Variants in CDH4 observed in about 807,000 individuals in gnomAD.
The protein encoded by CDH4 is cadherin-4.
Under a neutral mutation model 86.0 loss-of-function variants are expected in CDH4, and 33 were observed. The ratio of observed to expected loss-of-function variants is 0.38; its 90% confidence interval spans 0.29 to 0.51. The LOEUF (loss-of-function observed/expected upper bound fraction) is 0.51. Ranked by LOEUF, CDH4 falls within the 20% of genes least tolerant of loss-of-function variation. The pLI is 0.86. For synonymous variants in CDH4, 555 were observed against 549.4 expected, an observed-to-expected ratio of 1.01 and a Z score of -0.14; for missense variants, 1,114 against 1,307.4, an observed-to-expected ratio of 0.85 and a Z score of 2.28.
chr20:61,551,752 A>G (rs1379312699), intron 2 of CDH4, among the ~76,000 whole-genome samples: 1 of 152,248 alleles, frequency 6.6e-6, no homozygotes, highest in South Asian at 2.1e-4. Flanking sequence ...TAGTGTGATC[A>G]AGACAGCATG....
intron 2 of CDH4, among the ~76,000 whole-genome samples, chr20:61,332,645 T>C (rs560613766): frequency 2.0e-5 from 3 of 152,376 alleles, no homozygotes; most frequent in Admixed American, 6.5e-5. Context: ...TTGAAGGTTC[T>C]GCGAAGGCCC....
intron 2 of CDH4, among the ~76,000 whole-genome samples, chr20:61,665,814 C>T (rs375336259): frequency 1.6e-4 from 24 of 152,312 alleles, no homozygotes; most frequent in Middle Eastern, 6.8e-3. Flanking sequence ...ACAGCGTACA[C>T]GGTCCTCCAG....
intron 4 of CDH4, among the ~76,000 whole-genome samples, chr20:61,804,478 G>T (rs548099091): frequency 6.6e-6 from 1 of 152,160 alleles, no homozygotes; most frequent in Admixed American, 6.5e-5. Context: ...AGCCACACCC[G>T]GGGGGCAGCT....
In CDH4 at chr20:61,663,431, A is replaced by G. The variant is rs1330790254; in HGVS notation, c.170-80132A>G. ...GAAACCTAGAAAAAGAGCTGCGTAA[A>G]AGACAATAATTCTGAAGGCTCTGGG... On this transcript the variant is annotated intron_variant, in intron 2 of 15. Coordinates refer to ENST00000614565, the MANE Select transcript of CDH4 (RefSeq NM_001794.5). This position sits in a 1 kb window ranked among gnomAD's most constrained non-coding sequence, Gnocchi z 5.0. Among the ~76,000 whole-genome samples, 1 of 152,220 alleles carries G rather than the reference A, an allele frequency of 6.6e-6. No individual in the cohort carries two copies. The highest frequency in any genetic ancestry group is 1.9e-4 in the East Asian group (1 of 5,192).
chr20:61,869,605 C>T (rs1216273389), intron 6 of CDH4, among the ~76,000 whole-genome samples: 1 of 152,212 alleles, frequency 6.6e-6, no homozygotes, highest in Non-Finnish European at 1.5e-5. Context: ...TTCCAGCCTC[C>T]CGCTGACTTC....
chr20:61,546,584 G>A (rs2086088937), intron 2 of CDH4, among the ~76,000 whole-genome samples: 1 of 151,706 alleles, frequency 6.6e-6, no homozygotes, highest in South Asian at 2.1e-4. Flanking sequence ...ATCAGGGCAG[G>A]GAGGGGGGTG....
chr20:61,746,432 C>A (rs1435956731), intron 3 of CDH4, among the ~76,000 whole-genome samples: 1 of 152,174 alleles, frequency 6.6e-6, no homozygotes, highest in Non-Finnish European at 1.5e-5. Flanking sequence ...GCTCATCTAA[C>A]CCTCTCCACA....
At chr20:61,793,804 A>G (rs1979357008) in intron 4 of CDH4, among the ~76,000 whole-genome samples, 1 of 142,220 alleles carries the variant, frequency 7.0e-6, no homozygotes, top group Non-Finnish European at 1.5e-5. Context: ...ACGCCACTGC[A>G]CTCCAGCTTG....
intron 3 of CDH4, among the ~76,000 whole-genome samples, chr20:61,763,753 T>G (rs1317485399): frequency 6.6e-6 from 1 of 152,030 alleles, no homozygotes; most frequent in African/African-American, 2.4e-5. Context: ...CCTCTGAGTG[T>G]TTTAGCATTC....
At chr20:61,547,648 A>G (rs1342811195) in intron 2 of CDH4, among the ~76,000 whole-genome samples, 2 of 152,178 alleles carry the variant, frequency 1.3e-5, no homozygotes, top group Non-Finnish European at 2.9e-5. Context: ...TCCTTGGCCA[A>G]TGATGACACA....
At chr20:61,613,445 A>C (rs1275161289) in intron 2 of CDH4, among the ~76,000 whole-genome samples, 1 of 151,872 alleles carries the variant, frequency 6.6e-6, no homozygotes, top group Non-Finnish European at 1.5e-5. Flanking sequence ...CTCACCTCCT[A>C]ATATCGCCCT....
At chr20:61,379,953 G>T (rs1231010189) in intron 2 of CDH4, among the ~76,000 whole-genome samples, 1 of 152,078 alleles carries the variant, frequency 6.6e-6, no homozygotes, top group Admixed American at 6.5e-5. Context: ...GAAGAGTTAG[G>T]CAGATAAGGA....
intron 2 of CDH4, among the ~76,000 whole-genome samples, chr20:61,333,018 T>G (rs2084592252): frequency 6.6e-6 from 1 of 152,244 alleles, no homozygotes; most frequent in African/African-American, 2.4e-5. Flanking sequence ...TCTTTATTTT[T>G]GGACCAAACT....
intron 2 of CDH4, among the ~76,000 whole-genome samples, chr20:61,445,131 C>A (rs1321756500): frequency 6.6e-6 from 1 of 152,150 alleles, no homozygotes; most frequent in African/African-American, 2.4e-5. Flanking sequence ...CCACTCTTCC[C>A]CCACTCCCTA....
chr20:61,718,614 A>C, intron 2 of CDH4: 1 of 362,588 alleles, frequency 2.8e-6, no homozygotes, highest in South Asian at 2.1e-5. Flanking sequence ...GGGCTACCCG[A>C]CTGGGTGTCC....
chr20:61,647,517 C>T (rs1360556538), intron 2 of CDH4, among the ~76,000 whole-genome samples: 6 of 120,896 alleles, frequency 5.0e-5, no homozygotes, highest in Non-Finnish European at 1.1e-4. Flanking sequence ...TCAGTATGCA[C>T]ACACATATTC....
intron 3 of CDH4, among the ~76,000 whole-genome samples, chr20:61,755,781 C>CCA (rs752901844): frequency 3.3e-5 from 5 of 151,670 alleles, no homozygotes; most frequent in Middle Eastern, 3.4e-3. Context: ...CATATACACA[C>CCA]CACACACACA....
At chr20:61,308,476 G>A (rs1024118650) in intron 2 of CDH4, among the ~76,000 whole-genome samples, 4 of 152,180 alleles carry the variant, frequency 2.6e-5, no homozygotes, top group Non-Finnish European at 5.9e-5. Context: ...AAGCTGTGCC[G>A]ACAATTAATC....
chr20:61,595,502 G>A (rs564124918), intron 2 of CDH4, among the ~76,000 whole-genome samples: 4 of 152,368 alleles, frequency 2.6e-5, no homozygotes, highest in East Asian at 1.9e-4. Context: ...ACCCTGCGTC[G>A]TGTGGGAACA....
Sources: allele counts gnomAD v4.1 joint callset (sites outside exome capture counted in the v4.1 genomes callset), GRCh38; gene constraint gnomAD v4.1.1; non-coding constraint Gnocchi (gnomAD v3.1); transcripts MANE v1.5; gene names NCBI Gene and HGNC (gene_info 2026-07-23, HGNC 2026-07-21).